The following FHL5 variants were observed in gnomAD, a reference collection of about 807,000 sequenced individuals.
The protein encoded by FHL5 is four and a half LIM domains 5.
In FHL5, 33 loss-of-function variants were observed where a neutral mutation model predicts 32.0. That is an observed-to-expected ratio of 1.03 (90% CI 0.78 to 1.38). FHL5 has a LOEUF of 1.38. FHL5 is among the 40% of genes most tolerant of loss of function. The pLI is 0.00. For missense variants in FHL5, 336 were observed against 343.9 expected, an observed-to-expected ratio of 0.98 and a Z score of 0.18; for synonymous variants, 114 against 113.6, an observed-to-expected ratio of 1.00 and a Z score of -0.02.
chr6:96,602,566 C>T (rs897135067), intron 1 of FHL5, among the ~76,000 whole-genome samples: 3 of 150,540 alleles, frequency 2.0e-5, no homozygotes, highest in Admixed American at 1.3e-4. Context: ...TCTGCCTCAG[C>T]CTCCCGAGTA....
At chr6:96,567,390 G>A (rs969539371) in intron 1 of FHL5, among the ~76,000 whole-genome samples, 2 of 151,830 alleles carry the variant, frequency 1.3e-5, no homozygotes, top group Non-Finnish European at 2.9e-5. Flanking sequence ...GGTTACTATA[G>A]TTTTGAAATA....
intron 5 of FHL5, among the ~76,000 whole-genome samples, chr6:96,614,611 T>A (rs1279664628): frequency 6.6e-6 from 1 of 152,186 alleles, no homozygotes; most frequent in Non-Finnish European, 1.5e-5. Context: ...ATTACATAAC[T>A]CTTTTAGCCT....
intron 1 of FHL5, among the ~76,000 whole-genome samples, chr6:96,575,889 C>T (rs1272963244): frequency 6.6e-6 from 1 of 152,080 alleles, no homozygotes. Flanking sequence ...AAACAGTGGG[C>T]CAAATAAATC....
At chr6:96,594,230 TA>T (rs1562059563) in intron 1 of FHL5, among the ~76,000 whole-genome samples, 160 of 9,340 alleles carry the variant, frequency 0.017, 1 homozygote, top group Non-Finnish European at 0.033. Context: ...TTAGAATTTA[TA>T]TATATATATA....
At chr6:96,585,492 G>C (rs1379885931) in intron 1 of FHL5, among the ~76,000 whole-genome samples, 1 of 151,972 alleles carries the variant, frequency 6.6e-6, no homozygotes, top group East Asian at 1.9e-4. Context: ...ATATGCAAAA[G>C]TAATAATTAT....
chr6:96,583,604 T>C (rs748994787), intron 1 of FHL5, among the ~76,000 whole-genome samples: 2 of 152,154 alleles, frequency 1.3e-5, no homozygotes, highest in South Asian at 2.1e-4. Flanking sequence ...TGGAAGCTCA[T>C]TGGTGCCCGA....
chr6:96,603,846 T>C, intron 2 of FHL5, 74 bp downstream of exon 2: 1 of 1,202,238 alleles, frequency 8.3e-7, no homozygotes, highest in Non-Finnish European at 1.2e-6. Context: ...CTCTTTTCAT[T>C]TAGTGTTGAC....
At chr6:96,590,997 T>C (rs1770903810) in intron 1 of FHL5, among the ~76,000 whole-genome samples, 1 of 152,096 alleles carries the variant, frequency 6.6e-6, no homozygotes, top group Admixed American at 6.6e-5. Context: ...TATTTGGGTT[T>C]GGGTTTTGTA....
At chr6:96,567,627 A>G (rs1770384686) in intron 1 of FHL5, among the ~76,000 whole-genome samples, 1 of 151,830 alleles carries the variant, frequency 6.6e-6, no homozygotes, top group South Asian at 2.1e-4. Flanking sequence ...TGAACATGAG[A>G]TATCTTTCCA....
chr6:96,566,615 C>T (rs1182198577), intron 1 of FHL5, among the ~76,000 whole-genome samples: 2 of 151,770 alleles, frequency 1.3e-5, no homozygotes, highest in African/African-American at 4.8e-5. Context: ...GCATATATTC[C>T]AAATAACATA....
At chr6:96,606,255 T>G (rs1771276945) in intron 4 of FHL5, among the ~76,000 whole-genome samples, 184 bp downstream of exon 4, 1 of 152,142 alleles carries the variant, frequency 6.6e-6, no homozygotes, top group East Asian at 1.9e-4. Context: ...TTTTTTTTTT[T>G]TATTAACCAT....
intron 1 of FHL5, among the ~76,000 whole-genome samples, chr6:96,574,623 G>GA (rs1466717091): frequency 6.6e-6 from 1 of 152,162 alleles, no homozygotes; most frequent in African/African-American, 2.4e-5. Flanking sequence ...TGTAGAGCCT[G>GA]ATTCCAAGAA....
At chr6:96,588,914 TTGTG>T (rs1312571739) in intron 1 of FHL5, among the ~76,000 whole-genome samples, 1 of 152,040 alleles carries the variant, frequency 6.6e-6, no homozygotes, top group Non-Finnish European at 1.5e-5. Flanking sequence ...CATTTACAGT[TTGTG>T]TTTTTCATAT....
chr6:96,572,259 A>G (rs931127334), intron 1 of FHL5, among the ~76,000 whole-genome samples: 3 of 152,110 alleles, frequency 2.0e-5, no homozygotes, highest in African/African-American at 7.2e-5. Flanking sequence ...ACTGCTCTGG[A>G]TGGCCAAGGC....
intron 1 of FHL5, among the ~76,000 whole-genome samples, chr6:96,596,329 C>T (rs1411938384): frequency 6.6e-6 from 1 of 152,036 alleles, no homozygotes; most frequent in Non-Finnish European, 1.5e-5. Flanking sequence ...ATTCCTTAGG[C>T]GTGTGTTTTT....
chr6:96,604,242 A>G (rs1433416896), intron 2 of FHL5, among the ~76,000 whole-genome samples: 2 of 151,178 alleles, frequency 1.3e-5, no homozygotes, highest in African/African-American at 4.9e-5. Context: ...CGACATGCTT[A>G]TTCTTTCTTT....
chr6:96,610,813 A>G lies in FHL5; in HGVS notation c.691+55A>G, dbSNP rs369508226. On this transcript the variant is annotated intron_variant, in intron 5 of 5. Transcript: ENST00000450218. The stretch of plus-strand genomic sequence containing the variant: ...CATGAGACAGTTATGACTTTATGAA[A>G]CACTATCTAGTTAATTTAGGAAAAG... 158 of 1,248,064 alleles carry G rather than the reference A, an allele frequency of 1.3e-4. 1 individual carries two copies. The African/African-American group carries it at 2.1e-3, about 16-fold the overall frequency. The allele number at this position is 1,248,064 out of a possible 1,614,324, so 77.3% of individuals were successfully genotyped here. A position where few individuals can be genotyped will look rare whatever the true frequency, so the allele number is the denominator to read the frequency against.
intron 1 of FHL5, among the ~76,000 whole-genome samples, chr6:96,572,382 G>C (rs1770497290): frequency 6.6e-6 from 1 of 152,294 alleles, no homozygotes; most frequent in East Asian, 1.9e-4. Context: ...TTCAGCAGGG[G>C]CAGGGGGAGG....
intron 1 of FHL5, among the ~76,000 whole-genome samples, chr6:96,594,742 G>A (rs1235246099): frequency 2.6e-5 from 4 of 151,430 alleles, no homozygotes; most frequent in Non-Finnish European, 5.9e-5. Context: ...TTTTTCCTAC[G>A]TACTTTCTAT....
Sources: gnomAD v4.1 joint callset for allele counts (sites outside exome capture counted in the v4.1 genomes callset) on GRCh38, gnomAD v4.1.1 for gene constraint, MANE v1.5 for transcripts, NCBI Gene and HGNC (gene_info 2026-07-23, HGNC 2026-07-21) for gene names.